Variants in CSTPP1 observed in about 807,000 individuals in gnomAD.
CSTPP1 encodes UPF0705 protein C11orf49.
chr11:47,079,571 G>A, the CSTPP1 span, among the ~76,000 whole-genome samples: 2 of 152,204 alleles, frequency 1.3e-5, no homozygotes, highest in Non-Finnish European at 2.9e-5. Flanking sequence ...ACAGGAAAGT[G>A]TAATGAAGTA....
chr11:47,019,199 G>A, the CSTPP1 span, among the ~76,000 whole-genome samples: 4 of 151,902 alleles, frequency 2.6e-5, no homozygotes, highest in South Asian at 2.1e-4. Flanking sequence ...TAGTAGAGAC[G>A]GGGTTTCACC....
chr11:46,974,526 C>A, the CSTPP1 span, among the ~76,000 whole-genome samples: 231 of 118,124 alleles, frequency 2.0e-3, no homozygotes, highest in East Asian at 5.4e-3. Flanking sequence ...GACTCTGTCT[C>A]AAAAAAAAAA....
the CSTPP1 span, among the ~76,000 whole-genome samples, chr11:47,074,501 GAAAAA>G: frequency 0.14 from 15,715 of 114,588 alleles, 669 homozygotes; most frequent in South Asian, 0.2. Flanking sequence ...TCCTGTCTCA[GAAAAA>G]AAAAAAAAAA....
the CSTPP1 span, chr11:47,052,201 C>T: frequency 5.1e-6 from 3 of 586,344 alleles, no homozygotes; most frequent in Non-Finnish European, 8.0e-6. Context: ...CAAGAGTTTT[C>T]GGAAAGGTAT....
chr11:47,163,808 C>T, the CSTPP1 span, among the ~76,000 whole-genome samples: 6 of 151,870 alleles, frequency 4.0e-5, no homozygotes, highest in Non-Finnish European at 5.9e-5. Flanking sequence ...GCCCCCACCC[C>T]GCTAATTTTG....
chr11:47,103,329 G>C, the CSTPP1 span, among the ~76,000 whole-genome samples: 8 of 152,032 alleles, frequency 5.3e-5, no homozygotes, highest in Admixed American at 2.6e-4. Context: ...GAGCCTGGGA[G>C]GTGGGGGTTG....
At chr11:46,948,066 G>A in the CSTPP1 span, 4 of 456,172 alleles carry the variant, frequency 8.8e-6, no homozygotes, top group African/African-American at 2.0e-5. Flanking sequence ...TAAGATATAT[G>A]AAAGGCCACA....
At chr11:47,066,721 G>A in the CSTPP1 span, among the ~76,000 whole-genome samples, 1 of 152,210 alleles carries the variant, frequency 6.6e-6, no homozygotes, top group Non-Finnish European at 1.5e-5. Flanking sequence ...ATGGTCGGAG[G>A]AGGTGCTCCT....
At chr11:46,939,953 C>T in the CSTPP1 span, among the ~76,000 whole-genome samples, 1 of 152,158 alleles carries the variant, frequency 6.6e-6, no homozygotes, top group Non-Finnish European at 1.5e-5. Flanking sequence ...TCACTGCAAC[C>T]TCCACTTCCT....
chr11:47,154,832 C>A, the CSTPP1 span: 4 of 378,228 alleles, frequency 1.1e-5, no homozygotes, highest in Non-Finnish European at 4.9e-6. Context: ...TGAAAAGAAA[C>A]CTTGGCTGCA....
the CSTPP1 span, among the ~76,000 whole-genome samples, chr11:46,940,978 C>T: frequency 2.0e-5 from 3 of 152,066 alleles, no homozygotes; most frequent in Non-Finnish European, 4.4e-5. Flanking sequence ...TCATAAATGG[C>T]GTTTTCAGGA....
At chr11:46,960,215 ATCTTGAAC>A in the CSTPP1 span, among the ~76,000 whole-genome samples, 1 of 152,136 alleles carries the variant, frequency 6.6e-6, no homozygotes, top group East Asian at 1.9e-4. Flanking sequence ...GCCCAGGCTG[ATCTTGAAC>A]TCCTGGGCTC....
At chr11:47,052,677 C>A in the CSTPP1 span, 1 of 987,268 alleles carries the variant, frequency 1.0e-6, no homozygotes, top group African/African-American at 1.7e-5. Context: ...GCATGCTATT[C>A]AAGGCATTTA....
chr11:47,163,491 G>A, the CSTPP1 span, among the ~76,000 whole-genome samples: 12 of 152,188 alleles, frequency 7.9e-5, no homozygotes, highest in Non-Finnish European at 1.5e-4. Flanking sequence ...TAACTACCGT[G>A]AGGACTCCTA....
chr11:46,947,253 C>T, the CSTPP1 span, among the ~76,000 whole-genome samples: 46 of 152,314 alleles, frequency 3.0e-4, 1 homozygote, highest in Admixed American at 1.1e-3. Flanking sequence ...TTGATTAAGA[C>T]TGGAATTACC....
the CSTPP1 span, among the ~76,000 whole-genome samples, chr11:47,057,232 A>T: frequency 6.6e-6 from 1 of 152,110 alleles, no homozygotes; most frequent in African/African-American, 2.4e-5. Flanking sequence ...CACTTTGCTA[A>T]TTTTTTCTGT....
chr11:47,160,105 C>T, the CSTPP1 span: 2 of 181,122 alleles, frequency 1.1e-5, no homozygotes, highest in African/African-American at 4.8e-5. Flanking sequence ...AGTTAATGAC[C>T]AGCCTGGGCA....
At chr11:46,944,600 C>T in the CSTPP1 span, among the ~76,000 whole-genome samples, 2 of 152,134 alleles carry the variant, frequency 1.3e-5, no homozygotes, top group Non-Finnish European at 2.9e-5. Flanking sequence ...CTGGGCAGGA[C>T]AGACCCACTT....
At chr11:46,958,314 A>G in the CSTPP1 span, among the ~76,000 whole-genome samples, 1 of 151,886 alleles carries the variant, frequency 6.6e-6, no homozygotes, top group South Asian at 2.1e-4. Flanking sequence ...AATTTTCTTA[A>G]CATTTTCTTT....
Sources: allele counts gnomAD v4.1 joint callset (sites outside exome capture counted in the v4.1 genomes callset), GRCh38; gene constraint gnomAD v4.1.1; transcripts MANE v1.5; gene names NCBI Gene and HGNC (gene_info 2026-07-23, HGNC 2026-07-21).